Variants in TMEM131L observed in about 807,000 individuals in gnomAD.
TMEM131L encodes the protein transmembrane protein 131-like.
In TMEM131L, 54 loss-of-function variants were observed where a neutral mutation model predicts 192.2. The observed-to-expected ratio is 0.28, with a 90% CI of 0.23 to 0.35. The LOEUF (loss-of-function observed/expected upper bound fraction) is 0.35, where lower values mean the gene tolerates loss of function less well. TMEM131L is among the 10% of genes least tolerant of loss of function. TMEM131L has a pLI of 1.00. For missense variants in TMEM131L, 1,888 were observed against 1,972.9 expected (o/e 0.96, Z 0.82); for synonymous variants, 701 against 704.9 (o/e 0.99, Z 0.09).
At chr4:153,475,322 A>AT (rs1012703419) in intron 3 of TMEM131L, among the ~76,000 whole-genome samples, 10 of 152,158 alleles carry the variant, frequency 6.6e-5, no homozygotes, top group African/African-American at 2.2e-4. Flanking sequence ...TCACTGTGTG[A>AT]TTTTTAGATG....
intron 4 of TMEM131L, among the ~76,000 whole-genome samples, chr4:153,550,527 C>T (rs988963660): frequency 2.6e-4 from 40 of 152,098 alleles, no homozygotes; most frequent in Admixed American, 1.1e-3. Flanking sequence ...GGGGTTTCAC[C>T]GTGTTCGCCA....
At chr4:153,526,049 G>A (rs1426178124) in intron 3 of TMEM131L, among the ~76,000 whole-genome samples, 1 of 151,850 alleles carries the variant, frequency 6.6e-6, no homozygotes, top group African/African-American at 2.4e-5. Context: ...AGTAGAGATG[G>A]GGTTTCACCA....
chr4:153,555,711 TAA>T lies in TMEM131L; in HGVS notation c.309-75_309-74del. On this transcript the variant is annotated intron_variant, in intron 4 of 34. Coordinates refer to ENST00000409959, the MANE Select transcript of TMEM131L (RefSeq NM_001131007.2). This position sits in a 1 kb window ranked among gnomAD's most constrained non-coding sequence, Gnocchi z 4.1. ...GTTTAAAAATCTGTGTGTATATATA[TAA>T]TAATACATATATATGTATGGTAATA... is the stretch of plus-strand genomic sequence containing the variant. The T allele has an allele frequency of 7.8e-7, 1 of 1,279,072 alleles. No individual in the cohort carries two copies. Among genetic ancestry groups the T allele is most frequent in the Non-Finnish European group, 1.1e-6 (1 of 933,934 alleles). The allele number at this position is 1,279,072 out of a possible 1,614,324, so 79.2% of individuals were successfully genotyped here.
intron 12 of TMEM131L, 66 bp from the exon 13 acceptor site, chr4:153,585,392 G>T: frequency 6.8e-7 from 1 of 1,477,916 alleles, no homozygotes; most frequent in Non-Finnish European, 9.3e-7. Context: ...GCAATTAGAG[G>T]CTCATAAGAG....
At chr4:153,565,058 C>T (rs1729104219) in intron 7 of TMEM131L, among the ~76,000 whole-genome samples, 2 of 152,188 alleles carry the variant, frequency 1.3e-5, no homozygotes, top group South Asian at 2.1e-4. Context: ...GTTCAGATAT[C>T]GCCTCTCTGG....
intron 3 of TMEM131L, among the ~76,000 whole-genome samples, chr4:153,518,372 C>T (rs574172427): frequency 8.5e-5 from 13 of 152,238 alleles, no homozygotes; most frequent in South Asian, 2.1e-4. Flanking sequence ...AGGGAACACA[C>T]GAGAGCAGGT....
At chr4:153,475,083 A>G (rs1426268558) in intron 3 of TMEM131L, among the ~76,000 whole-genome samples, 1 of 152,212 alleles carries the variant, frequency 6.6e-6, no homozygotes, top group East Asian at 1.9e-4. Flanking sequence ...CCACGTTACA[A>G]AAGAAAGCTG....
chr4:153,583,376 C>G (rs1730490179), intron 10 of TMEM131L, 128 bp downstream of exon 10: 2 of 764,478 alleles, frequency 2.6e-6, no homozygotes, highest in African/African-American at 3.5e-5. Flanking sequence ...TAATTTAAGC[C>G]CATTTGCCCT....
intron 29 of TMEM131L, 95 bp from the exon 30 acceptor site, chr4:153,626,052 C>A: frequency 2.8e-6 from 2 of 708,904 alleles, no homozygotes; most frequent in South Asian, 3.6e-5. Context: ...ATCAGTCATG[C>A]ATTAATGATA....
In TMEM131L at chr4:153,612,372, C is replaced by G; in HGVS notation, c.3539C>G (p.Ser1180Cys). 1.9e-6 allele frequency: 3 copies of G among 1,595,272 alleles called. No homozygotes were observed. Among genetic ancestry groups the G allele is most frequent in the Non-Finnish European group, 2.6e-6 (3 of 1,174,420 alleles). ...IHKTSREDMF[S>C]EKQDIPFVEQ... ...AAAACATCTAGAGAAGACATGTTTT[C>G]TGAGAAACAGGACATACCTTTCGTA... is the stretch of plus-strand genomic sequence containing the variant. Residue 1180 changes from serine (S) to cysteine (C), a missense_variant, in exon 26 of 35, where the codon TCT (serine) becomes TGT (cysteine). Transcript: ENST00000409959.
In TMEM131L at chr4:153,627,585, C is replaced by A. The variant is rs75205878; in HGVS notation, c.4125-20C>A. On this transcript the variant is annotated intron_variant, in intron 30 of 34. Coordinates refer to ENST00000409959, the MANE Select transcript of TMEM131L (RefSeq NM_001131007.2). ...GTGCAGAAAAAATGAGTCGTTCCTC[C>A]TTTGCCCTCTTCCCCACAGGACCGT... 6 of 1,602,910 alleles carry A rather than the reference C, an allele frequency of 3.7e-6. No individual in the cohort carries two copies. The South Asian group carries it at 6.6e-5, about 18-fold the overall frequency.
chr4:153,486,571 G>T (rs1303966766), intron 3 of TMEM131L, among the ~76,000 whole-genome samples: 1 of 152,240 alleles, frequency 6.6e-6, no homozygotes, highest in Non-Finnish European at 1.5e-5. Flanking sequence ...CTTCGGACCT[G>T]TCTGTTCTGT....
intron 10 of TMEM131L, 130 bp from the exon 11 acceptor site, chr4:153,583,434 G>A: frequency 1.3e-6 from 1 of 783,000 alleles, no homozygotes; most frequent in Non-Finnish European, 2.2e-6. Flanking sequence ...CCCTCCATAT[G>A]GTTATGGCAC....
intron 3 of TMEM131L, among the ~76,000 whole-genome samples, chr4:153,484,952 T>C (rs996877276): frequency 6.7e-6 from 1 of 148,334 alleles, no homozygotes; most frequent in African/African-American, 2.5e-5. Context: ...ACCCCGTCTC[T>C]ACTAAAAATA....
At position 153,596,189 on chromosome 4, in the gene TMEM131L, G is replaced by C. The variant is rs878999294; in HGVS notation, c.1996-69G>C. On this transcript the variant is annotated intron_variant, in intron 19 of 34. Transcript: ENST00000409959. ...GAGAAGCAATCGTGTTTAAACTCTAGGATGCACTTAATGACAATGGAAGCT... is the reference window on the plus strand; with the variant it reads ...GAGAAGCAATCGTGTTTAAACTCTACGATGCACTTAATGACAATGGAAGCT... 26 of 1,560,788 alleles carry C rather than the reference G, an allele frequency of 1.7e-5. No homozygotes were observed. The South Asian group carries it at 2.8e-4, about 17-fold the overall frequency.
chr4:153,589,026 C>T lies in TMEM131L; in HGVS notation c.1670+19C>T, dbSNP rs753637981. The stretch of plus-strand genomic sequence containing the variant: ...TCTGCAAGTACGTCTCCACTGTCTT[C>T]TTTTTTGTTCGGTGGTGGGGAGACA... On this transcript the variant is annotated intron_variant, in intron 16 of 34. Coordinates refer to ENST00000409959, the MANE Select transcript of TMEM131L (RefSeq NM_001131007.2). 1 of 1,323,964 alleles carries T rather than the reference C, an allele frequency of 7.6e-7. No individual in the cohort carries two copies. Among genetic ancestry groups the T allele is most frequent in the Non-Finnish European group, 1.1e-6 (1 of 917,674 alleles). 82.0% of individuals were successfully genotyped at this position (1,323,964 alleles called of 1,614,324 possible). A position where few individuals can be genotyped will look rare whatever the true frequency, so the allele number is the denominator to read the frequency against.
rs557035050 is a variant in TMEM131L at position 153,607,048 on chromosome 4, A to C, written c.3418+2618A>C. The stretch of plus-strand genomic sequence containing the variant: ...ATTGCCTGCTATCCATGTACAATTT[A>C]AAATTGTTCAAGAATTTTAAATATT... On this transcript the variant is annotated intron_variant, in intron 25 of 34. Transcript: ENST00000409959. Among the ~76,000 whole-genome samples, 8 of 152,386 alleles carry C rather than the reference A, an allele frequency of 5.2e-5. No homozygotes were observed. In the South Asian group the frequency reaches 1.4e-3, roughly 28 times the overall value.
intron 3 of TMEM131L, among the ~76,000 whole-genome samples, chr4:153,548,679 A>T (rs1393787954): frequency 1.3e-5 from 2 of 152,190 alleles, no homozygotes; most frequent in Admixed American, 6.5e-5. Context: ...TGGAGAGAGG[A>T]TAGAGAAAGA....
chr4:153,536,916 A>G (rs1807248), intron 3 of TMEM131L, among the ~76,000 whole-genome samples: 55,902 of 152,030 alleles, frequency 0.37, 12,875 homozygotes, highest in African/African-American at 0.66. Context: ...GAGAAAGCAT[A>G]GGAAAAAGAT....
Sources: allele counts gnomAD v4.1 joint callset (sites outside exome capture counted in the v4.1 genomes callset), GRCh38; gene constraint gnomAD v4.1.1; non-coding constraint Gnocchi (gnomAD v3.1); transcripts MANE v1.5; gene names NCBI Gene and HGNC (gene_info 2026-07-23, HGNC 2026-07-21).